RASSF1: variants seen among roughly 807,000 people sequenced by gnomAD.
The protein encoded by RASSF1 is Ras association domain family member 1.
RASSF1 carries 33 observed loss-of-function variants against 34.3 expected under a neutral mutation model. The ratio of observed to expected loss-of-function variants is 0.96; its 90% CI spans 0.73 to 1.29. The LOEUF (loss-of-function observed/expected upper bound fraction) is 1.29. Among genes scored for constraint, RASSF1 ranks in the 50% most tolerant of loss-of-function variants. The pLI is 0.00. For synonymous variants in RASSF1, 191 were observed against 195.0 expected (o/e 0.98, Z 0.17); for missense variants, 445 against 471.8 (o/e 0.94, Z 0.53).
rs1490781910 is a variant in RASSF1, at chr3:50,340,636, G to A, written c.170C>T (p.Ala57Val). 1 of 1,525,978 alleles carries A rather than the reference G, an allele frequency of 6.6e-7. No homozygotes were observed. Among genetic ancestry groups the A allele is most frequent in the South Asian group, 1.2e-5 (1 of 83,012 alleles). 94.5% of individuals were successfully genotyped at this position (1,525,978 alleles called of 1,614,324 possible). A position where few individuals can be genotyped will look rare whatever the true frequency, so the allele number is the denominator to read the frequency against. The change falls in exon 1 of 6, where the codon GCG (alanine) becomes GTG (valine). Residue 57 changes from alanine to valine, a missense_variant. Coordinates refer to ENST00000359365, the MANE Select transcript of RASSF1 (RefSeq NM_007182.5). ...VPGRGHRFQP[A>V]GPATHTWCDL... is the part of the protein sequence containing the mutation. The stretch of plus-strand genomic sequence containing the variant: ...GCACCACGTGTGCGTGGCGGGCCCC[G>A]CGGGCTGGAAGCGGTGGCCACGGCC...
At chr3:50,340,513 G>A in intron 1 of RASSF1, 43 bp downstream of exon 1, 6 of 1,422,864 alleles carry the variant, frequency 4.2e-6, no homozygotes, top group Non-Finnish European at 4.6e-6. Flanking sequence ...CTGCCCCTTG[G>A]CTGCCCCTTC....
chr3:50,335,879 T>C (rs1703119359), intron 2 of RASSF1, among the ~76,000 whole-genome samples: 1 of 152,038 alleles, frequency 6.6e-6, no homozygotes, highest in Non-Finnish European at 1.5e-5. Flanking sequence ...GCATTGGCAT[T>C]AGAGGTGTGA....
chr3:50,334,085 G>A (rs149704136), intron 2 of RASSF1, among the ~76,000 whole-genome samples: 248 of 152,288 alleles, frequency 1.6e-3, no homozygotes, highest in African/African-American at 5.7e-3. Context: ...CCCTGACTCC[G>A]CCCTGGAGTC....
At chr3:50,338,095 G>A in intron 1 of RASSF1, 84 bp from the exon 2 acceptor site, 1 of 1,514,780 alleles carries the variant, frequency 6.6e-7, no homozygotes. Context: ...CAGGGAGAGG[G>A]CCGCTGCTCG....
chr3:50,338,088 G>A, intron 1 of RASSF1, 77 bp from the exon 2 acceptor site: 1 of 1,523,028 alleles, frequency 6.6e-7, no homozygotes. Context: ...GAAGCCCCAG[G>A]GAGAGGGCCG....
chr3:50,336,344 G>GT, intron 2 of RASSF1: 1 of 152,332 alleles, frequency 6.6e-6, no homozygotes, highest in Non-Finnish European at 1.5e-5. Context: ...CACAGTCCCT[G>GT]TTTCTTTTTC....
intron 1 of RASSF1, among the ~76,000 whole-genome samples, chr3:50,339,540 T>G (rs1703287765): frequency 6.6e-6 from 1 of 151,936 alleles, no homozygotes; most frequent in South Asian, 2.1e-4. Context: ...TCATTTTTTT[T>G]TATTTTTTAG....
At position 50,338,071 on chromosome 3, in the gene RASSF1, T is replaced by C. The variant is rs376056688; in HGVS notation, c.251-60A>G. On this transcript the variant is annotated intron_variant, in intron 1 of 5. Transcript: ENST00000359365. ...CCAGGTCGGGGAAATGTCCCGGAGA[T>C]TGAAGGGAAGCCCCAGGGAGAGGGC... is the stretch of plus-strand genomic sequence containing the variant. The C allele has an allele frequency of 2.0e-6, 3 of 1,537,228 alleles. No homozygotes were observed. In the African/African-American group the frequency reaches 4.1e-5, roughly 21 times the overall value.
At chr3:50,337,392 G>C (rs1703189625) in intron 2 of RASSF1, 1 of 1,592,734 alleles carries the variant, frequency 6.3e-7, no homozygotes, top group African/African-American at 1.3e-5. Context: ...GTGCGTGCGT[G>C]TACGCGTGTC....
In RASSF1 at chr3:50,340,645, A is replaced by G; in HGVS notation, c.161T>C (p.Phe54Ser). The G allele has an allele frequency of 6.6e-7, 1 of 1,526,490 alleles. No homozygotes were observed. Among genetic ancestry groups the G allele is most frequent in the Non-Finnish European group, 8.7e-7 (1 of 1,147,512 alleles). 94.6% of individuals were successfully genotyped at this position (1,526,490 alleles called of 1,614,324 possible). ...RQLVPGRGHR[F>S]QPAGPATHTW... ...GTGCGTGGCGGGCCCCGCGGGCTGG[A>G]AGCGGTGGCCACGGCCAGGGACCAG... Residue 54 changes from phenylalanine (F) to serine (S), a missense_variant, in exon 1 of 6, where the codon TTC becomes TCC. By Grantham distance (155) the Phe-to-Ser change is radical. Coordinates refer to ENST00000359365, the MANE Select transcript of RASSF1 (RefSeq NM_007182.5).
At chr3:50,333,911 C>A (rs992761319) in intron 2 of RASSF1, among the ~76,000 whole-genome samples, 1 of 152,230 alleles carries the variant, frequency 6.6e-6, no homozygotes, top group African/African-American at 2.4e-5. Flanking sequence ...CTTGGCCCCA[C>A]TGCATCAGCC....
At chr3:50,337,882 T>A (rs759114038) in intron 2 of RASSF1, 23 bp downstream of exon 2, 11 of 1,557,620 alleles carry the variant, frequency 7.1e-6, no homozygotes, top group Non-Finnish European at 8.8e-6. Context: ...GCCCTTCCCA[T>A]ACGCCCTCGG....
chr3:50,332,111 T>C lies in RASSF1; in HGVS notation c.401A>G (p.Glu134Gly). The C allele has an allele frequency of 6.2e-7, 1 of 1,614,140 alleles. No individual in the cohort carries two copies. The highest frequency in any genetic ancestry group is 1.3e-5 in the African/African-American group (1 of 75,022). ...EWETPDLSQA[E>G]IEQKIKEYNA... ...GTACTCCTTGATCTTCTGCTCAATCTCAGCTTGAGAAAGGTCAGGTGTCTC... is the reference window on the plus strand; with the variant it reads ...GTACTCCTTGATCTTCTGCTCAATCCCAGCTTGAGAAAGGTCAGGTGTCTC... The change falls in exon 3 of 6, where the codon GAG becomes GGG. Residue 134 changes from glutamate to glycine, a missense_variant. Physicochemically the swap from Glu to Gly is moderately conservative, Grantham distance 98. Transcript: ENST00000359365.
chr3:50,338,529 C>G (rs1703248710), intron 1 of RASSF1, among the ~76,000 whole-genome samples: 1 of 152,238 alleles, frequency 6.6e-6, no homozygotes, highest in Non-Finnish European at 1.5e-5. Flanking sequence ...ATCCACCCGC[C>G]TCGGCCTTCC....
At chr3:50,335,385 C>T (rs1403838695) in intron 2 of RASSF1, among the ~76,000 whole-genome samples, 2 of 144,690 alleles carry the variant, frequency 1.4e-5, no homozygotes, top group Non-Finnish European at 3.0e-5. Context: ...GGCCCAGTCT[C>T]GACTCACTGC....
intron 2 of RASSF1, among the ~76,000 whole-genome samples, chr3:50,332,642 A>T (rs1702988481): frequency 6.6e-6 from 1 of 151,860 alleles, no homozygotes; most frequent in Non-Finnish European, 1.5e-5. Flanking sequence ...AGAAAAAAAA[A>T]AATTAGCCAG....
chr3:50,331,003 C>T (rs1055842451), intron 5 of RASSF1, among the ~76,000 whole-genome samples: 1 of 152,236 alleles, frequency 6.6e-6, no homozygotes, highest in African/African-American at 2.4e-5. Context: ...TTTCACTCCA[C>T]AGGCCTAATA....
chr3:50,333,252 A>T (rs1270616893), intron 2 of RASSF1, among the ~76,000 whole-genome samples: 1 of 152,216 alleles, frequency 6.6e-6, no homozygotes, highest in East Asian at 1.9e-4. Flanking sequence ...AGAGGAGTGG[A>T]GAGTGGTGCA....
At chr3:50,334,288 C>T (rs1471845168) in intron 2 of RASSF1, among the ~76,000 whole-genome samples, 1 of 152,186 alleles carries the variant, frequency 6.6e-6, no homozygotes, top group African/African-American at 2.4e-5. Flanking sequence ...AATTTAAGCT[C>T]ATTTTCTTCC....
Sources: gnomAD v4.1 joint callset for allele counts (sites outside exome capture counted in the v4.1 genomes callset) on GRCh38, gnomAD v4.1.1 for gene constraint, MANE v1.5 for transcripts, NCBI Gene and HGNC (gene_info 2026-07-23, HGNC 2026-07-21) for gene names.